The following MYLK variants were observed in gnomAD, a reference collection of about 807,000 sequenced individuals.
MYLK encodes myosin light chain kinase, smooth muscle.
A neutral mutation model predicts 203.4 loss-of-function variants in MYLK; 106 were observed. The observed-to-expected ratio is 0.52, with a 90% CI of 0.45 to 0.61. The LOEUF (loss-of-function observed/expected upper bound fraction) is 0.61, where lower values mean the gene tolerates loss of function less well. MYLK is among the 20% of genes least tolerant of loss of function. The probability of loss-of-function intolerance (pLI) is 0.00; values close to 1 mark genes in which losing one functional copy is unlikely to be tolerated. For missense variants in MYLK, 2,072 were observed against 2,442.3 expected, an observed-to-expected ratio of 0.85 and a Z score of 3.20; for synonymous variants, 867 against 959.5, an observed-to-expected ratio of 0.90 and a Z score of 1.78.
chr3:123,635,158 A>G (rs1471440146), intron 29 of MYLK, among the ~76,000 whole-genome samples: 1 of 152,172 alleles, frequency 6.6e-6, no homozygotes, highest in Non-Finnish European at 1.5e-5. Context: ...TCTGTGGTAC[A>G]AAGGTGGAAG....
At chr3:123,786,385 TG>T (rs1233156647) in intron 4 of MYLK, among the ~76,000 whole-genome samples, 9 of 150,978 alleles carry the variant, frequency 6.0e-5, no homozygotes, top group Admixed American at 5.9e-4. Context: ...AGGGAACAAT[TG>T]AGGGTTAGAA....
chr3:123,764,572 G>A (rs1261177022), intron 4 of MYLK, among the ~76,000 whole-genome samples: 1 of 152,168 alleles, frequency 6.6e-6, no homozygotes. Context: ...TTTTCCACAT[G>A]CTGACTTTCA....
chr3:123,803,826 T>C (rs534034125), intron 3 of MYLK, among the ~76,000 whole-genome samples: 2 of 152,290 alleles, frequency 1.3e-5, no homozygotes, highest in African/African-American at 2.4e-5. Flanking sequence ...GCTGGGTCAG[T>C]CCCGACCCAC....
At chr3:123,639,713 T>C (rs1472374828) in intron 28 of MYLK, among the ~76,000 whole-genome samples, 3 of 152,212 alleles carry the variant, frequency 2.0e-5, no homozygotes, top group Admixed American at 6.5e-5. Flanking sequence ...TCTGGGGTCC[T>C]TGTTCCAATC....
At chr3:123,681,991 C>T (rs930023293) in intron 20 of MYLK, 2 of 594,418 alleles carry the variant, frequency 3.4e-6, no homozygotes, top group Admixed American at 2.4e-5. Context: ...AGATGTGCAA[C>T]ACCACCCAGG....
rs759366239 is a variant in MYLK, at chr3:123,709,863, A to C, written c.1835T>G (p.Leu612Arg). 11 of 1,614,196 alleles carry C rather than the reference A, an allele frequency of 6.8e-6. No individual in the cohort carries two copies. The highest frequency in any genetic ancestry group is 3.3e-5 in the Admixed American group (2 of 60,028). ...GGGCTTGCTGGGAGCCACAGGCAGA[A>C]GGTACTCACTCTTCCTGCTACTCTT... Reference protein sequence around the residue: ...EKKSSRKSEYLLPVAPSKPTA... With the variant: ...EKKSSRKSEYRLPVAPSKPTA... Residue 612 changes from leucine (L) to arginine (R), a missense_variant, in exon 14 of 34, where the codon CTT becomes CGT. This residue lies in a region of MYLK where 865 missense variants were observed against 1,016.0 expected (regional missense o/e 0.85). Transcript: ENST00000360304.
intron 1 of MYLK, among the ~76,000 whole-genome samples, chr3:123,880,143 T>C (rs949529033): frequency 6.6e-6 from 1 of 152,158 alleles, no homozygotes; most frequent in Non-Finnish European, 1.5e-5. Context: ...ACCGCCCTCA[T>C]TGTCAGATGA....
intron 8 of MYLK, 148 bp from the exon 9 acceptor site, chr3:123,735,564 TC>T (rs1363750036): frequency 1.1e-5 from 9 of 826,680 alleles, no homozygotes; most frequent in Admixed American, 1.9e-5. Flanking sequence ...GCCTTTGAAC[TC>T]CCCCCAGCCC....
At chr3:123,709,033 G>C in intron 14 of MYLK, 138 bp from the exon 15 acceptor site, 2 of 727,814 alleles carry the variant, frequency 2.7e-6, no homozygotes, top group South Asian at 3.8e-5. Context: ...CAGTAAAATA[G>C]GAATTCAAAC....
chr3:123,734,395 G>A (rs560493600), intron 9 of MYLK, 173 bp from the exon 10 acceptor site: 3 of 625,662 alleles, frequency 4.8e-6, no homozygotes, highest in East Asian at 5.9e-5. Context: ...AGTTTCCCAA[G>A]CCACAGCACA....
At chr3:123,814,703 C>T (rs1401329821) in intron 3 of MYLK, among the ~76,000 whole-genome samples, 1 of 152,242 alleles carries the variant, frequency 6.6e-6, no homozygotes, top group Non-Finnish European at 1.5e-5. Context: ...CAAGCCAAAA[C>T]TTAATGATGC....
rs1489451163 is a variant in MYLK at position 123,610,469 on chromosome 3, CCGT to C, written c.*3633_*3635del. ...CAGCAGCCACCATCTCATGTGTTGCCCGTCATTATGGAGAGGCTTGTACCAGCA... is the reference window on the plus strand; with the variant it reads ...CAGCAGCCACCATCTCATGTGTTGCCCATTATGGAGAGGCTTGTACCAGCA... On this transcript the variant is annotated 3_prime_UTR_variant, in exon 34 of 34. Coordinates refer to ENST00000360304, the MANE Select transcript of MYLK (RefSeq NM_053025.4). 1 of 152,118 alleles carries C rather than the reference CCGT, an allele frequency of 6.6e-6. No homozygotes were observed. Among genetic ancestry groups the C allele is most frequent in the Non-Finnish European group, 1.5e-5 (1 of 68,036 alleles). The allele number at this position is 152,118 out of a possible 1,614,324, so 9.4% of individuals were successfully genotyped here. A position where few individuals can be genotyped will look rare whatever the true frequency, so the allele number is the denominator to read the frequency against.
chr3:123,709,611 T>A, intron 14 of MYLK, 145 bp downstream of exon 14: 2 of 1,004,588 alleles, frequency 2.0e-6, no homozygotes, highest in East Asian at 2.4e-5. Context: ...AGGACAAGAG[T>A]CTCCATTTCT....
intron 4 of MYLK, among the ~76,000 whole-genome samples, chr3:123,790,529 G>T (rs1412209763): frequency 1.3e-5 from 2 of 152,146 alleles, no homozygotes; most frequent in Non-Finnish European, 2.9e-5. Flanking sequence ...AACCCCCAGG[G>T]GGTGCCTGTT....
chr3:123,620,616 A>G, intron 31 of MYLK: 1 of 1,215,096 alleles, frequency 8.2e-7, no homozygotes, highest in Non-Finnish European at 1.0e-6. Context: ...AACCCTTTTC[A>G]TACAGTGCTT....
chr3:123,859,839 T>G (rs2031736460), intron 2 of MYLK, among the ~76,000 whole-genome samples: 2 of 152,198 alleles, frequency 1.3e-5, no homozygotes, highest in Non-Finnish European at 2.9e-5. Flanking sequence ...CTGGTATCTG[T>G]TTCTGGTAAC....
rs770829124 is a variant in MYLK at position 123,738,894 on chromosome 3, C to T, written c.588+3G>A. On this transcript the variant is annotated splice_donor_region_variant and intron_variant, in intron 7 of 33. Transcript: ENST00000360304. The stretch of plus-strand genomic sequence containing the variant: ...TCAGGGTCAGGGCAGACAGAAACCT[C>T]ACCTTGAGCCAGGTGACCTGCGGTT... The T allele has an allele frequency of 1.2e-6, 2 of 1,607,716 alleles. No individual in the cohort carries two copies. Among genetic ancestry groups the T allele is most frequent in the Admixed American group, 3.4e-5 (2 of 59,410 alleles).
At chr3:123,643,047 T>C (rs538481804) in intron 27 of MYLK, among the ~76,000 whole-genome samples, 2 of 152,352 alleles carry the variant, frequency 1.3e-5, no homozygotes, top group South Asian at 4.1e-4. Flanking sequence ...GGAGGCCAGC[T>C]GAAATTCACG....
At chr3:123,715,751 T>G (rs753848603) in intron 13 of MYLK, 8 of 152,180 alleles carry the variant, frequency 5.3e-5, no homozygotes, top group Non-Finnish European at 4.4e-5. Flanking sequence ...ACTACAATAA[T>G]TCTCCTGTCT....
Sources: allele counts gnomAD v4.1 joint callset (sites outside exome capture counted in the v4.1 genomes callset), GRCh38; gene constraint gnomAD v4.1.1; regional missense constraint gnomAD v4.1.1; transcripts MANE v1.5; gene names NCBI Gene and HGNC (gene_info 2026-07-23, HGNC 2026-07-21).